The following ASIC2 variants were observed in gnomAD, a reference collection of about 807,000 sequenced individuals.
The protein encoded by ASIC2 is acid sensing ion channel subunit 2, also known as acid-sensing ion channel 2.
In ASIC2, 25 loss-of-function variants were observed where a neutral mutation model predicts 57.3. The observed-to-expected ratio is 0.44, with a 90% CI of 0.32 to 0.61. ASIC2 has a LOEUF of 0.61. ASIC2 is among the 20% of genes least tolerant of loss of function. ASIC2 has a pLI of 0.06. For synonymous variants in ASIC2, 319 were observed against 307.5 expected (o/e 1.04, Z -0.39); for missense variants, 641 against 738.1 (o/e 0.87, Z 1.52).
intron 1 of ASIC2, among the ~76,000 whole-genome samples, chr17:34,127,329 T>C (rs1911817408): frequency 6.6e-6 from 1 of 152,160 alleles, no homozygotes; most frequent in Admixed American, 6.5e-5. Flanking sequence ...TGATTGCTGA[T>C]CTCTCCTTAG....
intron 1 of ASIC2, among the ~76,000 whole-genome samples, chr17:33,539,152 C>T (rs34437372): frequency 0.033 from 4,980 of 152,270 alleles, 234 homozygotes; most frequent in African/African-American, 0.1. Context: ...GCAGATGGAG[C>T]CTGCAGTGCC....
chr17:33,820,510 T>G (rs959308749), intron 1 of ASIC2, among the ~76,000 whole-genome samples: 4 of 152,238 alleles, frequency 2.6e-5, no homozygotes, highest in African/African-American at 9.6e-5. Flanking sequence ...AATATCATGA[T>G]GGGCATGTTG....
At chr17:33,800,639 A>C (rs1396252681) in intron 1 of ASIC2, among the ~76,000 whole-genome samples, 4 of 152,280 alleles carry the variant, frequency 2.6e-5, no homozygotes, top group South Asian at 4.1e-4. Flanking sequence ...CAGAATTTCT[A>C]GGGGGATGAT....
At chr17:33,041,126 A>G (rs1452197918) in intron 3 of ASIC2, among the ~76,000 whole-genome samples, 26 of 151,964 alleles carry the variant, frequency 1.7e-4, no homozygotes. Context: ...CCTCCTGCCC[A>G]CACAGCTGAG....
intron 1 of ASIC2, among the ~76,000 whole-genome samples, chr17:34,128,175 T>C (rs538377816): frequency 6.6e-6 from 1 of 152,266 alleles, no homozygotes; most frequent in East Asian, 1.9e-4. Context: ...GCCCAGGTCA[T>C]GGGTGTGAAT....
chr17:34,088,662 G>A (rs559444443), intron 1 of ASIC2, among the ~76,000 whole-genome samples: 77 of 152,378 alleles, frequency 5.1e-4, no homozygotes, highest in African/African-American at 1.8e-3. Flanking sequence ...GAGGCAGGCA[G>A]GCCTCCTTGA....
chr17:33,853,940 A>G (rs776256996), intron 1 of ASIC2, among the ~76,000 whole-genome samples: 1 of 152,178 alleles, frequency 6.6e-6, no homozygotes, highest in Non-Finnish European at 1.5e-5. Context: ...CTTCCCTTGC[A>G]GGTCTCTACT....
At chr17:33,583,098 T>G (rs1292957984) in intron 1 of ASIC2, among the ~76,000 whole-genome samples, 3 of 152,186 alleles carry the variant, frequency 2.0e-5, no homozygotes, top group Non-Finnish European at 4.4e-5. Flanking sequence ...CAGCAGCGGC[T>G]TGGTCTAAGG....
At chr17:33,723,970 G>C (rs777725729) in intron 1 of ASIC2, among the ~76,000 whole-genome samples, 4 of 152,214 alleles carry the variant, frequency 2.6e-5, no homozygotes, top group Non-Finnish European at 4.4e-5. Context: ...TGGTTTGGCT[G>C]TGTTCCCACC....
At chr17:34,020,188 A>G (rs553691855) in intron 1 of ASIC2, among the ~76,000 whole-genome samples, 127 of 152,256 alleles carry the variant, frequency 8.3e-4, no homozygotes, top group Non-Finnish European at 1.2e-3. Context: ...CATTATTTTT[A>G]TCAGTGTATT....
chr17:33,138,251 C>A (rs1306014275), intron 1 of ASIC2, among the ~76,000 whole-genome samples: 1 of 152,138 alleles, frequency 6.6e-6, no homozygotes, highest in East Asian at 1.9e-4. Flanking sequence ...TCAAATGTCC[C>A]TTCCATGAGC....
intron 1 of ASIC2, among the ~76,000 whole-genome samples, chr17:33,498,646 C>T (rs1914012387): frequency 6.6e-6 from 1 of 152,204 alleles, no homozygotes; most frequent in South Asian, 2.1e-4. Context: ...CTGGTCCCGG[C>T]ACTGCGCTGG....
intron 1 of ASIC2, among the ~76,000 whole-genome samples, chr17:33,778,614 G>A (rs934477448): frequency 1.8e-4 from 27 of 152,026 alleles, no homozygotes; most frequent in African/African-American, 5.1e-4. Context: ...CTCAACAGGC[G>A]GCCTGATATC....
intron 1 of ASIC2, among the ~76,000 whole-genome samples, chr17:33,964,158 T>C (rs1196235940): frequency 1.3e-5 from 2 of 152,220 alleles, no homozygotes; most frequent in Non-Finnish European, 2.9e-5. Flanking sequence ...CCACTACCCA[T>C]TGGCTGGCAT....
chr17:33,561,973 G>A (rs1242733294), intron 1 of ASIC2, among the ~76,000 whole-genome samples: 2 of 152,112 alleles, frequency 1.3e-5, no homozygotes, highest in South Asian at 2.1e-4. Context: ...ACTCCTCTTC[G>A]AAGTTCCCTC....
At chr17:34,123,957 C>A (rs1911700379) in intron 1 of ASIC2, among the ~76,000 whole-genome samples, 1 of 152,108 alleles carries the variant, frequency 6.6e-6, no homozygotes, top group Non-Finnish European at 1.5e-5. Flanking sequence ...TGGTGTGCAT[C>A]TGTAGTCCCA....
intron 2 of ASIC2, among the ~76,000 whole-genome samples, chr17:33,093,174 T>C (rs923082031): frequency 6.6e-6 from 1 of 152,162 alleles, no homozygotes. Context: ...AAGTAAGCAT[T>C]GTTATTAAAA....
intron 1 of ASIC2, among the ~76,000 whole-genome samples, chr17:33,981,864 C>T (rs1905638115): frequency 6.6e-6 from 1 of 152,210 alleles, no homozygotes; most frequent in Admixed American, 6.5e-5. Flanking sequence ...GCAACATTAT[C>T]TAAGGTCACA....
At chr17:33,102,639 C>A (rs59501255) in intron 2 of ASIC2, among the ~76,000 whole-genome samples, 1,792 of 152,166 alleles carry the variant, frequency 0.012, 28 homozygotes, top group African/African-American at 0.041. Flanking sequence ...CCTGGATGGA[C>A]CCTCTGATTT....
Sources: gnomAD v4.1 joint callset for allele counts (sites outside exome capture counted in the v4.1 genomes callset) on GRCh38, gnomAD v4.1.1 for gene constraint, MANE v1.5 for transcripts, NCBI Gene and HGNC (gene_info 2026-07-23, HGNC 2026-07-21) for gene names.